Variants in AFF1 observed in about 807,000 individuals in gnomAD.
AFF1 encodes AF4/FMR2 family member 1.
A neutral mutation model predicts 121.7 loss-of-function variants in AFF1; 48 were observed. That is an observed-to-expected ratio of 0.39 (90% CI 0.31 to 0.50). AFF1 has a LOEUF of 0.50. Ranked by LOEUF, AFF1 falls within the 20% of genes least tolerant of loss-of-function variation. The probability of loss-of-function intolerance (pLI) is 0.76; values close to 1 mark genes in which losing one functional copy is unlikely to be tolerated. For missense variants in AFF1, 1,523 were observed against 1,511.7 expected (o/e 1.01, Z -0.12); for synonymous variants, 613 against 563.0 (o/e 1.09, Z -1.26).
intron 2 of AFF1, among the ~76,000 whole-genome samples, chr4:86,986,025 AAATTTAATTCAATTCAATTT>A (rs894626295): frequency 4.4e-5 from 6 of 136,424 alleles, no homozygotes; most frequent in South Asian, 4.8e-4. Context: ...CCTTTTTTTA[AAATTTAATTCAATTCAATTT>A]AATTTAATTT....
intron 5 of AFF1, among the ~76,000 whole-genome samples, chr4:87,087,630 G>A (rs236985): frequency 0.45 from 68,057 of 152,044 alleles, 15,836 homozygotes; most frequent in African/African-American, 0.57. Flanking sequence ...AATGGCCCCA[G>A]TTCTCTTAAG....
intron 4 of AFF1, among the ~76,000 whole-genome samples, chr4:87,067,504 T>C (rs1402216527): frequency 6.6e-6 from 1 of 152,208 alleles, no homozygotes; most frequent in East Asian, 1.9e-4. Flanking sequence ...AAGTGGATTC[T>C]AGGGTGTTGG....
chr4:87,064,828 G>A lies in AFF1; in HGVS notation c.1059+17234G>A, dbSNP rs138144481. Among the ~76,000 whole-genome samples the A allele has an allele frequency of 6.8e-4, 103 of 150,632 alleles. No homozygotes were observed. The East Asian group carries it at 0.013, about 19-fold the overall frequency. ...CGGAGGTTGCAGTAAAGTCGAGATCGCGTCATTGCACTCCAGCCTGGGCAA... is the reference window on the plus strand; with the variant it reads ...CGGAGGTTGCAGTAAAGTCGAGATCACGTCATTGCACTCCAGCCTGGGCAA... On this transcript the variant is annotated intron_variant, in intron 4 of 20. Coordinates refer to ENST00000395146, the MANE Select transcript of AFF1 (RefSeq NM_001166693.3).
intron 2 of AFF1, among the ~76,000 whole-genome samples, chr4:87,039,642 A>G (rs1729907411): frequency 6.6e-6 from 1 of 152,200 alleles, no homozygotes; most frequent in South Asian, 2.1e-4. Flanking sequence ...CTAAAATACA[A>G]ATGTGGAGGA....
chr4:87,093,217 G>C (rs549969315), intron 7 of AFF1, among the ~76,000 whole-genome samples: 49 of 152,214 alleles, frequency 3.2e-4, no homozygotes, highest in African/African-American at 1.1e-3. Context: ...GTCCAACATT[G>C]GTGGGTCTCC....
chr4:86,993,788 C>T (rs1464478193), intron 2 of AFF1, among the ~76,000 whole-genome samples: 1 of 151,942 alleles, frequency 6.6e-6, no homozygotes, highest in Non-Finnish European at 1.5e-5. Context: ...CATAGTGAAA[C>T]CCCATCTCTA....
rs763947380 is a variant in AFF1 at position 87,114,919 on chromosome 4, G to T, written c.2086G>T (p.Ala696Ser). The T allele has an allele frequency of 1.9e-6, 3 of 1,612,544 alleles. No individual in the cohort carries two copies. In the South Asian group the frequency reaches 3.3e-5, roughly 18 times the overall value. The part of the protein sequence containing the change: ...PSKALSGPEP[A>S]KDNVEDRTPE... The stretch of plus-strand genomic sequence containing the variant: ...TAAGGCTCTCTCAGGCCCAGAACCC[G>T]CGAAGGACAATGTGGAGGACAGGAC... Residue 696 changes from alanine to serine, a missense_variant, in exon 12 of 21, where the codon GCG becomes TCG. Ala to Ser is a moderately conservative substitution (Grantham distance 99, BLOSUM62 1). Around this residue, in one of 5 missense-constraint regions of AFF1, gnomAD observed 905 missense variants for 842.5 expected, o/e 1.07. Coordinates refer to ENST00000395146, the MANE Select transcript of AFF1 (RefSeq NM_001166693.3).
intron 1 of AFF1, among the ~76,000 whole-genome samples, chr4:86,944,176 G>T (rs980438703): frequency 4.0e-5 from 6 of 149,146 alleles, no homozygotes; most frequent in Non-Finnish European, 7.4e-5. Context: ...CTTCCCTAGT[G>T]TGTGGAATTG....
At chr4:87,119,229 A>G (rs1727425832) in intron 12 of AFF1, among the ~76,000 whole-genome samples, 1 of 152,128 alleles carries the variant, frequency 6.6e-6, no homozygotes, top group African/African-American at 2.4e-5. Context: ...GTTGAACTCA[A>G]GAACCACAAT....
rs1461836850 is a variant in AFF1 at position 87,126,271 on chromosome 4, G to C, written c.2746G>C (p.Asp916His). The change falls in exon 14 of 21, where the codon GAC becomes CAC. Residue 916 changes from aspartate to histidine, a missense_variant. Transcript: ENST00000395146. The part of the protein sequence containing the change: ...SASSTKSNHK[D>H]SSIPKQRRVE... ...CAGCAGTACCAAGAGCAACCACAAA[G>C]ACTCTTCCATTCCCAAGCAGAGAAG... 3 of 1,614,104 alleles carry C rather than the reference G, an allele frequency of 1.9e-6. No homozygotes were observed. Among genetic ancestry groups the C allele is most frequent in the Non-Finnish European group, 2.5e-6 (3 of 1,180,024 alleles).
chr4:87,098,346 C>T (rs1167211664), intron 8 of AFF1, among the ~76,000 whole-genome samples: 4 of 152,128 alleles, frequency 2.6e-5, no homozygotes, highest in Admixed American at 2.6e-4. Flanking sequence ...TGCAATTTGC[C>T]CCTAAGTTTA....
In AFF1 at chr4:87,136,585, C is replaced by T; in HGVS notation, c.*884C>T. 4.3e-6 allele frequency: 1 copy of T among 231,390 alleles called. No homozygotes were observed. Among genetic ancestry groups the T allele is most frequent in the Non-Finnish European group, 8.6e-6 (1 of 116,890 alleles). 14.3% of individuals were successfully genotyped at this position (231,390 alleles called of 1,614,324 possible). ...GTTGACTCTATTCTGAATTTCCTCC[C>T]TTGGGGAAGAAGGGAACCAACATTT... is the stretch of plus-strand genomic sequence containing the variant. On this transcript the variant is annotated 3_prime_UTR_variant, in exon 21 of 21. Coordinates refer to ENST00000395146, the MANE Select transcript of AFF1 (RefSeq NM_001166693.3).
intron 12 of AFF1, 114 bp downstream of exon 12, chr4:87,115,413 G>A: frequency 9.2e-7 from 1 of 1,090,478 alleles, no homozygotes; most frequent in Non-Finnish European, 1.3e-6. Flanking sequence ...ACAAGTCTTT[G>A]CTTTGATTCG....
intron 2 of AFF1, among the ~76,000 whole-genome samples, chr4:86,954,550 A>T (rs1394804041): frequency 1.3e-5 from 2 of 152,102 alleles, no homozygotes; most frequent in African/African-American, 2.4e-5. Context: ...ACATGGTTAA[A>T]CCCTGTCTCT....
chr4:87,097,450 G>T (rs1182784293), intron 8 of AFF1, among the ~76,000 whole-genome samples: 2 of 152,232 alleles, frequency 1.3e-5, no homozygotes. Flanking sequence ...AGTGAAATGA[G>T]TGGTTTTCTT....
chr4:87,045,533 G>A (rs141353486), intron 2 of AFF1, among the ~76,000 whole-genome samples: 110 of 152,040 alleles, frequency 7.2e-4, no homozygotes, highest in African/African-American at 2.5e-3. Context: ...ATTATAAAGC[G>A]TTCTCCGTCG....
intron 2 of AFF1, among the ~76,000 whole-genome samples, chr4:86,972,054 C>T (rs561387609): frequency 7.0e-6 from 1 of 142,554 alleles, no homozygotes; most frequent in East Asian, 2.2e-4. Context: ...GGGAGAATCA[C>T]TTGAGCCCAG....
chr4:86,983,358 C>G (rs1227455689), intron 2 of AFF1, among the ~76,000 whole-genome samples: 2 of 151,968 alleles, frequency 1.3e-5, no homozygotes, highest in Non-Finnish European at 1.5e-5. Context: ...GAAACCTCGT[C>G]TCTACTAAAA....
At chr4:87,030,934 A>G (rs1487922642) in intron 2 of AFF1, among the ~76,000 whole-genome samples, 1 of 152,058 alleles carries the variant, frequency 6.6e-6, no homozygotes, top group African/African-American at 2.4e-5. Context: ...GCCCCAGTTG[A>G]GTGCATTTGC....
Sources: gnomAD v4.1 joint callset for allele counts (sites outside exome capture counted in the v4.1 genomes callset) on GRCh38, gnomAD v4.1.1 for gene constraint, gnomAD v4.1.1 regional missense constraint, MANE v1.5 for transcripts, NCBI Gene and HGNC (gene_info 2026-07-23, HGNC 2026-07-21) for gene names.